The following KIF26B variants were observed in gnomAD, a reference collection of about 807,000 sequenced individuals.
KIF26B encodes the protein kinesin family member 26B, also known as kinesin-like protein KIF26B.
In KIF26B, 63 loss-of-function variants were observed where a neutral mutation model predicts 151.2. The ratio of observed to expected loss-of-function variants is 0.42; its 90% CI spans 0.34 to 0.51. The LOEUF (loss-of-function observed/expected upper bound fraction) is 0.51, where lower values mean the gene tolerates loss of function less well. Among genes scored for constraint, KIF26B ranks in the 20% least tolerant of loss-of-function variants. The pLI, the probability that KIF26B is intolerant of heterozygous loss-of-function variation, is 0.07. For missense variants in KIF26B, 2,813 were observed against 2,913.6 expected (o/e 0.97, Z 0.79); for synonymous variants, 1,357 against 1,262.1 (o/e 1.08, Z -1.59).
intron 2 of KIF26B, among the ~76,000 whole-genome samples, chr1:245,207,275 G>C (rs1669425535): frequency 6.6e-6 from 1 of 152,214 alleles, no homozygotes; most frequent in African/African-American, 2.4e-5. Flanking sequence ...CACAGGACTG[G>C]TTGCCACGAG....
intron 4 of KIF26B, among the ~76,000 whole-genome samples, chr1:245,522,790 G>A (rs1661158116): frequency 6.6e-6 from 1 of 152,198 alleles, no homozygotes. Flanking sequence ...GGTGTCGACA[G>A]GGTCTGGGGG....
At chr1:245,701,279 C>T (rs1045142229) in intron 14 of KIF26B, among the ~76,000 whole-genome samples, 3 of 152,196 alleles carry the variant, frequency 2.0e-5, no homozygotes, top group Non-Finnish European at 2.9e-5. Flanking sequence ...TGACTATTCC[C>T]TGTGGGCATG....
intron 2 of KIF26B, among the ~76,000 whole-genome samples, chr1:245,264,821 A>T (rs1670711759): frequency 6.6e-6 from 1 of 151,516 alleles, no homozygotes; most frequent in Non-Finnish European, 1.5e-5. Context: ...TGAACCCAGG[A>T]GGCAGAGTTT....
chr1:245,419,588 C>A lies in KIF26B; in HGVS notation c.1009C>A (p.Leu337Met), dbSNP rs749962192. Residue 337 changes from leucine (L) to methionine (M), a missense_variant, in exon 4 of 15, where the codon CTG (leucine) becomes ATG (methionine). Physicochemically the swap from Leu to Met is conservative, Grantham distance 15. Transcript: ENST00000407071. ...VTLYPYQISQ[L>M]MTESSREGLT... Reference sequence around the variant, plus strand: ...CCATTTTCTTTGTCAGATCTCCCAGCTGATGACAGAGAGTAGCCGGGAGGG... The same window carrying A: ...CCATTTTCTTTGTCAGATCTCCCAGATGATGACAGAGAGTAGCCGGGAGGG... 7 of 1,609,624 alleles carry A rather than the reference C, an allele frequency of 4.3e-6. No homozygotes were observed. In the South Asian group the frequency reaches 7.7e-5, roughly 18 times the overall value.
At chr1:245,652,145 T>TGTGTGG (rs368258830) in intron 10 of KIF26B, among the ~76,000 whole-genome samples, 1 of 142,656 alleles carries the variant, frequency 7.0e-6, no homozygotes, top group African/African-American at 2.8e-5. Flanking sequence ...TGTGTGTGTG[T>TGTGTGG]GAGAGAGACA....
At chr1:245,349,280 C>T (rs1672517366) in intron 2 of KIF26B, among the ~76,000 whole-genome samples, 1 of 152,128 alleles carries the variant, frequency 6.6e-6, no homozygotes, top group Admixed American at 6.5e-5. Context: ...TGAATAAAAT[C>T]ATAAAGGTAT....
chr1:245,312,920 G>A (rs2102983141), intron 2 of KIF26B, among the ~76,000 whole-genome samples: 1 of 152,288 alleles, frequency 6.6e-6, no homozygotes, highest in East Asian at 1.9e-4. Flanking sequence ...CCAGCACTTT[G>A]GGAGGCTGAG....
At chr1:245,647,444 GA>G (rs1423189945) in intron 10 of KIF26B, among the ~76,000 whole-genome samples, 7 of 105,792 alleles carry the variant, frequency 6.6e-5, no homozygotes, top group African/African-American at 2.5e-4. Context: ...AAAAAAAAAA[GA>G]AAAAAAAGAA....
chr1:245,338,553 G>A (rs1054327263), intron 2 of KIF26B, among the ~76,000 whole-genome samples: 1 of 152,228 alleles, frequency 6.6e-6, no homozygotes, highest in Admixed American at 6.5e-5. Flanking sequence ...ATTACCAAGT[G>A]ATCCATATAC....
At chr1:245,212,174 C>T (rs868309497) in intron 2 of KIF26B, among the ~76,000 whole-genome samples, 1 of 152,136 alleles carries the variant, frequency 6.6e-6, no homozygotes, top group Non-Finnish European at 1.5e-5. Flanking sequence ...GGTAATTTTA[C>T]GGTTGGGGTC....
Position 245,572,723 on chromosome 1 carries a change from A to C in KIF26B, c.1351-29854A>C, listed in dbSNP as rs779676531. Among the ~76,000 whole-genome samples, 1 of 152,162 alleles carries C rather than the reference A, an allele frequency of 6.6e-6. No homozygotes were observed. The highest frequency in any genetic ancestry group is 1.5e-5 in the Non-Finnish European group (1 of 68,026). On this transcript the variant is annotated intron_variant, in intron 5 of 14. Coordinates refer to ENST00000407071, the MANE Select transcript of KIF26B (RefSeq NM_018012.4). The surrounding 1 kb of genome is among the most constrained non-coding windows in gnomAD (Gnocchi z 4.2). ...CCATTCTAATGCCCACATTTACTTC[A>C]TAATGTATTACCTACGTATAGTGTA...
At chr1:245,604,944 A>G (rs988697714) in intron 6 of KIF26B, among the ~76,000 whole-genome samples, 2 of 152,200 alleles carry the variant, frequency 1.3e-5, no homozygotes, top group Non-Finnish European at 2.9e-5. Flanking sequence ...AGACTCAAAG[A>G]TGAAGTCACT....
intron 4 of KIF26B, among the ~76,000 whole-genome samples, chr1:245,447,224 G>T (rs2103050823): frequency 2.0e-5 from 3 of 152,298 alleles, no homozygotes; most frequent in Admixed American, 2.0e-4. Flanking sequence ...GCTTTAGGGT[G>T]CTTTGCACAA....
At chr1:245,517,758 G>A (rs188337226) in intron 4 of KIF26B, among the ~76,000 whole-genome samples, 183 of 152,250 alleles carry the variant, frequency 1.2e-3, no homozygotes, top group African/African-American at 4.4e-3. Flanking sequence ...TATTAGAGTT[G>A]GGTCTAGAAG....
intron 3 of KIF26B, chr1:245,371,482 G>T (rs987438159): frequency 6.6e-6 from 1 of 152,122 alleles, no homozygotes; most frequent in Non-Finnish European, 1.5e-5. Context: ...TCTAGACCTT[G>T]TCACTACCAA....
intron 5 of KIF26B, among the ~76,000 whole-genome samples, chr1:245,590,609 T>A (rs1315759547): frequency 6.6e-6 from 1 of 152,014 alleles, no homozygotes; most frequent in Non-Finnish European, 1.5e-5. Context: ...CCCGCGTCTA[T>A]AAAAACTGGG....
rs1341398475 is a variant in KIF26B at position 245,563,008 on chromosome 1, T to C, written c.1350+22058T>C. On this transcript the variant is annotated intron_variant, in intron 5 of 14. Transcript: ENST00000407071. This position sits in a 1 kb window ranked among gnomAD's most constrained non-coding sequence, Gnocchi z 4.6. ...AATTACAAGTGTAAGCCACCACACTTGTCCATCATTGCCTTTTAATCTTTG... is the reference window on the plus strand; with the variant it reads ...AATTACAAGTGTAAGCCACCACACTCGTCCATCATTGCCTTTTAATCTTTG... Among the ~76,000 whole-genome samples, 1 of 152,172 alleles carries C rather than the reference T, an allele frequency of 6.6e-6. No homozygotes were observed. Among genetic ancestry groups the C allele is most frequent in the East Asian group, 1.9e-4 (1 of 5,198 alleles).
At chr1:245,401,732 T>TG (rs1452644967) in intron 3 of KIF26B, among the ~76,000 whole-genome samples, 2 of 151,952 alleles carry the variant, frequency 1.3e-5, no homozygotes, top group Non-Finnish European at 2.9e-5. Context: ...TATCTGGGCG[T>TG]GGTGGCACAT....
intron 4 of KIF26B, among the ~76,000 whole-genome samples, chr1:245,439,473 C>T (rs1398562012): frequency 3.9e-5 from 6 of 152,042 alleles, no homozygotes; most frequent in African/African-American, 1.4e-4. Flanking sequence ...GGTCGTTTTC[C>T]TCTGGAAGGA....
Sources: allele counts gnomAD v4.1 joint callset (sites outside exome capture counted in the v4.1 genomes callset), GRCh38; gene constraint gnomAD v4.1.1; non-coding constraint Gnocchi (gnomAD v3.1); transcripts MANE v1.5; gene names NCBI Gene and HGNC (gene_info 2026-07-23, HGNC 2026-07-21).